Variants in ARAP2 observed in about 807,000 individuals in gnomAD.
The protein encoded by ARAP2 is arf-GAP with Rho-GAP domain, ANK repeat and PH domain-containing protein 2.
In ARAP2, 148 loss-of-function variants were observed where a neutral mutation model predicts 194.5. The observed-to-expected ratio is 0.76, with a 90% CI of 0.67 to 0.87. The LOEUF is 0.87. Among genes scored for constraint, ARAP2 ranks in the 40% least tolerant of loss-of-function variants. ARAP2 has a pLI of 0.00. For synonymous variants in ARAP2, 695 were observed against 683.5 expected (o/e 1.02, Z -0.26); for missense variants, 2,128 against 1,989.7 (o/e 1.07, Z -1.32).
At chr4:36,068,540 G>A (rs1413206278) in intron 32 of ARAP2, among the ~76,000 whole-genome samples, 1 of 152,184 alleles carries the variant, frequency 6.6e-6, no homozygotes, top group African/African-American at 2.4e-5. Context: ...AAATATGCAT[G>A]AAGTAGAAAG....
intron 26 of ARAP2, among the ~76,000 whole-genome samples, chr4:36,109,307 C>T (rs1456375603): frequency 6.6e-6 from 1 of 151,780 alleles, no homozygotes; most frequent in Non-Finnish European, 1.5e-5. Flanking sequence ...AAGAAAAAAT[C>T]CACTAGGCCA....
chr4:36,103,823 T>C (rs573384391), intron 27 of ARAP2, among the ~76,000 whole-genome samples: 9 of 152,016 alleles, frequency 5.9e-5, no homozygotes, highest in African/African-American at 1.9e-4. Context: ...TACTTATGTG[T>C]GAAGTCCACA....
intron 9 of ARAP2, among the ~76,000 whole-genome samples, chr4:36,009,555 T>C (rs1714008398): frequency 6.6e-6 from 1 of 152,064 alleles, no homozygotes; most frequent in Non-Finnish European, 1.5e-5. Context: ...GGATACTATG[T>C]TCACTACCTG....
intron 32 of ARAP2, among the ~76,000 whole-genome samples, chr4:36,070,342 A>C (rs981764059): frequency 2.6e-5 from 4 of 152,230 alleles, no homozygotes; most frequent in African/African-American, 7.2e-5. Flanking sequence ...CATAGTTTAT[A>C]CACTGTACTG....
chr4:36,088,394 G>A (rs937072335), intron 28 of ARAP2, among the ~76,000 whole-genome samples: 1 of 152,014 alleles, frequency 6.6e-6, no homozygotes, highest in African/African-American at 2.4e-5. Flanking sequence ...TAAACGTAAA[G>A]TTTGTGAACC....
intron 5 of ARAP2, among the ~76,000 whole-genome samples, chr4:36,026,768 C>T (rs1397056200): frequency 1.3e-5 from 2 of 152,202 alleles, no homozygotes; most frequent in African/African-American, 4.8e-5. Context: ...CAGGGTGCCT[C>T]TCGGGACAGA....
intron 19 of ARAP2, among the ~76,000 whole-genome samples, chr4:36,142,013 C>T (rs1199154614): frequency 1.3e-5 from 2 of 151,656 alleles, no homozygotes; most frequent in African/African-American, 4.8e-5. Flanking sequence ...TTTCAACAAT[C>T]ACAGCTATAA....
intron 2 of ARAP2, among the ~76,000 whole-genome samples, chr4:36,226,251 C>T (rs76763095): frequency 6.6e-5 from 10 of 152,054 alleles, no homozygotes; most frequent in African/African-American, 1.9e-4. Flanking sequence ...AATTGAATAA[C>T]GAGCTTTTCA....
chr4:36,009,260 C>G (rs887951596), intron 9 of ARAP2, among the ~76,000 whole-genome samples: 12 of 152,068 alleles, frequency 7.9e-5, no homozygotes, highest in Non-Finnish European at 1.5e-5. Context: ...CAGCATTATT[C>G]ACAATAACAA....
At chr4:36,043,531 A>C (rs772836617) in intron 5 of ARAP2, among the ~76,000 whole-genome samples, 40 of 152,110 alleles carry the variant, frequency 2.6e-4, no homozygotes, top group Non-Finnish European at 5.1e-4. Flanking sequence ...ATTTATAACA[A>C]GAATGCACAT....
intron 2 of ARAP2, 143 bp downstream of exon 2, chr4:36,228,439 C>A (rs944395348): frequency 4.6e-6 from 4 of 862,052 alleles, no homozygotes; most frequent in Non-Finnish European, 6.7e-6. Flanking sequence ...GGGATGAAGA[C>A]TTTTTTTTTA....
chr4:36,026,011 T>C (rs1258247923), intron 5 of ARAP2, among the ~76,000 whole-genome samples: 1 of 152,102 alleles, frequency 6.6e-6, no homozygotes, highest in Non-Finnish European at 1.5e-5. Flanking sequence ...ACCTCTCAAA[T>C]TGCTGAAGGA....
At chr4:36,050,240 G>A (rs2109247926) in intron 3 of ARAP2, among the ~76,000 whole-genome samples, 1 of 152,302 alleles carries the variant, frequency 6.6e-6, no homozygotes, top group East Asian at 1.9e-4. Flanking sequence ...CTTTGGCAGA[G>A]AGCATCTGCA....
At chr4:36,188,760 G>GA (rs1040644950) in intron 7 of ARAP2, among the ~76,000 whole-genome samples, 30 of 152,180 alleles carry the variant, frequency 2.0e-4, no homozygotes, top group African/African-American at 6.3e-4. Flanking sequence ...AACTGATTTG[G>GA]AAAAAACAGC....
intron 6 of ARAP2, among the ~76,000 whole-genome samples, chr4:36,198,252 T>C (rs1743575146): frequency 6.6e-6 from 1 of 152,128 alleles, no homozygotes. Flanking sequence ...CAGCTGGTCG[T>C]CCTGATGTCT....
intron 5 of ARAP2, among the ~76,000 whole-genome samples, chr4:36,031,793 C>G (rs539367210): frequency 7.2e-5 from 11 of 152,172 alleles, no homozygotes; most frequent in Non-Finnish European, 1.3e-4. Context: ...CTCAGCCCCC[C>G]AAGTAGCTGG....
intron 7 of ARAP2, among the ~76,000 whole-genome samples, chr4:36,191,135 C>T (rs1175527690): frequency 2.0e-5 from 3 of 151,516 alleles, no homozygotes; most frequent in Non-Finnish European, 4.4e-5. Context: ...CAGTTTATCC[C>T]CTACGTGATC....
At chr4:36,115,199 G>C (rs1721030118) in intron 25 of ARAP2, among the ~76,000 whole-genome samples, 1 of 151,920 alleles carries the variant, frequency 6.6e-6, no homozygotes, top group African/African-American at 2.4e-5. Context: ...AACTCGCAAA[G>C]TCTACCTTTT....
rs542219796 is a variant in ARAP2, at chr4:36,028,608, G to GT, written n.608-9323dup. 6.6e-3 allele frequency among the ~76,000 whole-genome samples: 598 copies of GT among 90,552 alleles called. 2 individuals are homozygous for GT. The highest frequency in any genetic ancestry group is 0.011 in the Non-Finnish European group (406 of 37,524). The allele number at this position is 90,552 out of a possible 152,430, so 59.4% of individuals were successfully genotyped here. On this transcript the variant is annotated intron_variant and non_coding_transcript_variant, in intron 5 of 12. Transcript: ENST00000503225. ...CTAAATTAGCTAATGTTTGTCTTCTGTTTTTTTTCCTGAAAAAATCAGTCT... is the reference window on the plus strand; with the variant it reads ...CTAAATTAGCTAATGTTTGTCTTCTGTTTTTTTTTCCTGAAAAAATCAGTCT...
Sources: allele counts gnomAD v4.1 joint callset (sites outside exome capture counted in the v4.1 genomes callset), GRCh38; gene constraint gnomAD v4.1.1; transcripts MANE v1.5; gene names NCBI Gene and HGNC (gene_info 2026-07-23, HGNC 2026-07-21).